NSD1: variants seen among roughly 807,000 people sequenced by gnomAD.
NSD1 encodes the protein nuclear receptor binding SET domain protein 1, also known as histone-lysine N-methyltransferase, H3 lysine-36 specific.
Under a neutral mutation model 242.7 loss-of-function variants are expected in NSD1, and 26 were observed. The ratio of observed to expected loss-of-function variants is 0.11; its 90% CI spans 0.08 to 0.15. The LOEUF (loss-of-function observed/expected upper bound fraction) is 0.15, where lower values mean the gene tolerates loss of function less well. Among genes scored for constraint, NSD1 ranks in the 10% least tolerant of loss-of-function variants. The pLI is 1.00. For missense variants in NSD1, 2,495 were observed against 3,272.8 expected (o/e 0.76, Z 5.80); for synonymous variants, 1,106 against 1,178.1 (o/e 0.94, Z 1.25).
rs769360197 is a variant in NSD1, at chr5:177,256,982, T to C, written c.4797T>C (p.Ser1599=). 2 of 1,614,032 alleles carry C rather than the reference T, an allele frequency of 1.2e-6. No individual in the cohort carries two copies. The highest frequency in any genetic ancestry group is 1.7e-5 in the Admixed American group (1 of 60,000). The change falls in exon 13 of 23, where the codon AGT becomes AGC. Residue 1599 remains serine, a synonymous_variant. Coordinates refer to ENST00000439151, the MANE Select transcript of NSD1 (RefSeq NM_022455.5). ...ATACCTGTTTTGTATGTAAGCAGAGTGGGGAAGATGTTAAAAGGTGCCTTC... is the reference window on the plus strand; with the variant it reads ...ATACCTGTTTTGTATGTAAGCAGAGCGGGGAAGATGTTAAAAGGTGCCTTC... ...GIHTCFVCKQ[S]GEDVKRCLLP...
rs906913691 is a variant in NSD1, at chr5:177,296,501, G to A, written c.*1042G>A. 29 of 233,188 alleles carry A rather than the reference G, an allele frequency of 1.2e-4. No individual in the cohort carries two copies. In the Admixed American group the frequency reaches 1.5e-3, roughly 12 times the overall value. 14.4% of individuals were successfully genotyped at this position (233,188 alleles called of 1,614,324 possible). Reference sequence around the variant, plus strand: ...GAGCTAGACACACCAGCTTCAGGAAGAGTACCAGATCCTGATGGGAAATTT... The same window carrying A: ...GAGCTAGACACACCAGCTTCAGGAAAAGTACCAGATCCTGATGGGAAATTT... On this transcript the variant is annotated 3_prime_UTR_variant, in exon 23 of 23. Transcript: ENST00000439151.
chr5:177,239,940 C>A, intron 8 of NSD1, 75 bp downstream of exon 8: 2 of 873,216 alleles, frequency 2.3e-6, no homozygotes, highest in Non-Finnish European at 3.8e-6. Context: ...TTTTGAGTAG[C>A]AGTTATAACA....
In NSD1 at chr5:177,210,880, T is replaced by G. The variant is rs777345497; in HGVS notation, c.2481T>G (p.Ile827Met). ...SDTKGSPLAS[I>M]SKSGKVDGLK... ...CCAAAGGCTCTCCTTTGGCCAGCAT[T>G]TCTAAAAGTGGGAAAGTGGATGGTC... The change falls in exon 5 of 23, where the codon ATT becomes ATG. Residue 827 changes from isoleucine (I) to methionine (M), a missense_variant. Around this residue, in one of 19 missense-constraint regions of NSD1, gnomAD observed 121 missense variants for 167.2 expected, o/e 0.72. Transcript: ENST00000439151. The G allele has an allele frequency of 6.2e-7, 1 of 1,614,066 alleles. No individual in the cohort carries two copies. The highest frequency in any genetic ancestry group is 1.1e-5 in the South Asian group (1 of 91,082).
At chr5:177,199,440 A>G (rs12652509) in intron 3 of NSD1, among the ~76,000 whole-genome samples, 126,540 of 152,120 alleles carry the variant, frequency 0.83, 53,355 homozygotes, top group East Asian at 1. Context: ...AAATTTTTTT[A>G]TAGACAGGGT....
Position 177,211,590 on chromosome 5 carries a change from T to A in NSD1, c.3191T>A (p.Leu1064His), listed in dbSNP as rs749712737. The change falls in exon 5 of 23, where the codon CTT becomes CAT. Residue 1064 changes from leucine (L) to histidine (H), a missense_variant. By Grantham distance (99) the Leu-to-His change is moderately conservative. Around this residue, in one of 19 missense-constraint regions of NSD1, gnomAD observed 426 missense variants for 411.4 expected, o/e 1.04. Coordinates refer to ENST00000439151, the MANE Select transcript of NSD1 (RefSeq NM_022455.5). ...RKLNQLPSVT[L>H]DAVLQGDRER... is the part of the protein sequence containing the mutation. ...CTGAATCAGCTTCCAAGTGTGACTC[T>A]TGATGCTGTACTGCAGGGAGACCGA... 3 of 1,614,136 alleles carry A rather than the reference T, an allele frequency of 1.9e-6. No individual in the cohort carries two copies. The highest frequency in any genetic ancestry group is 8.5e-7 in the Non-Finnish European group (1 of 1,180,032).
rs1457964040 is a variant in NSD1, at chr5:177,279,609, A to ATTTT, written c.5623-956_5623-955insTTTT. ...GTTCACCTGGCTTATCAGCTTTGAA[A>ATTTT]ATTTTTTTTTTTTTTTTTTTTTTTT... On this transcript the variant is annotated intron_variant, in intron 17 of 22. Transcript: ENST00000439151. Among the ~76,000 whole-genome samples the ATTTT allele has an allele frequency of 2.9e-3, 317 of 107,728 alleles. 11 individuals carry two copies. Among genetic ancestry groups the ATTTT allele is most frequent in the African/African-American group, 0.011 (296 of 26,040 alleles). The allele number at this position is 107,728 out of a possible 152,430, so 70.7% of individuals were successfully genotyped here.
intron 14 of NSD1, chr5:177,264,798 C>T: frequency 1.3e-6 from 1 of 749,346 alleles, no homozygotes; most frequent in Non-Finnish European, 2.4e-6. Flanking sequence ...GGAGAGGCAC[C>T]CAGTACATGT....
rs780872097 is a variant in NSD1 at position 177,191,865 on chromosome 5, A to G, written c.928-19A>G. The G allele has an allele frequency of 6.2e-7, 1 of 1,613,404 alleles. No individual in the cohort carries two copies. Among genetic ancestry groups the G allele is most frequent in the Non-Finnish European group, 8.5e-7 (1 of 1,179,450 alleles). On this transcript the variant is annotated intron_variant, in intron 2 of 22. Coordinates refer to ENST00000439151, the MANE Select transcript of NSD1 (RefSeq NM_022455.5). ...ATATTTTGATTCTTATTGATGCCCCATGTTTTGTCTGTCTAAAGTGTCAAC... is the reference window on the plus strand; with the variant it reads ...ATATTTTGATTCTTATTGATGCCCCGTGTTTTGTCTGTCTAAAGTGTCAAC...
chr5:177,246,689 A>T lies in NSD1; in HGVS notation c.4390A>T (p.Ile1464Leu). ...TTTTCCTGTCATAGGCACTACCAAGATATTTGACAAGCCAAGGAAGCGAAA... is the reference window on the plus strand; with the variant it reads ...TTTTCCTGTCATAGGCACTACCAAGTTATTTGACAAGCCAAGGAAGCGAAA... ...SKDFGGGTTK[I>L]FDKPRKRKRQ... Residue 1464 changes from isoleucine (I) to leucine (L), a missense_variant, in exon 10 of 23, where the codon ATA becomes TTA. Ile to Leu is a conservative substitution (Grantham distance 5). Around this residue, in one of 19 missense-constraint regions of NSD1, gnomAD observed 97 missense variants for 97.7 expected, o/e 0.99. Coordinates refer to ENST00000439151, the MANE Select transcript of NSD1 (RefSeq NM_022455.5). The T allele has an allele frequency of 1.2e-6, 2 of 1,613,714 alleles. No individual in the cohort carries two copies.
intron 3 of NSD1, among the ~76,000 whole-genome samples, chr5:177,197,093 C>A (rs569815856): frequency 6.6e-6 from 1 of 151,410 alleles, no homozygotes; most frequent in South Asian, 2.1e-4. Flanking sequence ...ATGGTGAAAC[C>A]CTGTTTCTTC....
chr5:177,188,393 T>A (rs1761404416), intron 2 of NSD1, among the ~76,000 whole-genome samples: 1 of 152,238 alleles, frequency 6.6e-6, no homozygotes, highest in African/African-American at 2.4e-5. Context: ...TGTGTATTTA[T>A]ATAGATTTAT....
intron 14 of NSD1, among the ~76,000 whole-genome samples, chr5:177,263,503 T>C (rs1319630389): frequency 6.6e-6 from 1 of 152,228 alleles, no homozygotes; most frequent in African/African-American, 2.4e-5. Flanking sequence ...CATCACCTAC[T>C]CGCAGTAAAA....
chr5:177,257,774 C>G (rs1376904220), intron 13 of NSD1, among the ~76,000 whole-genome samples: 1 of 151,656 alleles, frequency 6.6e-6, no homozygotes, highest in Non-Finnish European at 1.5e-5. Flanking sequence ...CCTCTTCCCC[C>G]TATTGATTAG....
At chr5:177,213,396 C>A (rs1039786222) in intron 5 of NSD1, among the ~76,000 whole-genome samples, 1 of 152,140 alleles carries the variant, frequency 6.6e-6, no homozygotes, top group African/African-American at 2.4e-5. Context: ...ACAATCAGTG[C>A]GATCAATTGT....
At chr5:177,218,082 T>C (rs531601915) in intron 5 of NSD1, among the ~76,000 whole-genome samples, 1 of 152,180 alleles carries the variant, frequency 6.6e-6, no homozygotes, top group Admixed American at 6.6e-5. Context: ...TCCGCTGATT[T>C]TTAACCTTTT....
At chr5:177,241,573 T>C (rs530366492) in intron 8 of NSD1, among the ~76,000 whole-genome samples, 1 of 152,176 alleles carries the variant, frequency 6.6e-6, no homozygotes, top group Non-Finnish European at 1.5e-5. Flanking sequence ...CCCAGTATCT[T>C]TTAAGTATTA....
chr5:177,174,200 A>G (rs142267165), intron 2 of NSD1, among the ~76,000 whole-genome samples: 4,801 of 152,164 alleles, frequency 0.032, 134 homozygotes, highest in Non-Finnish European at 0.042. Flanking sequence ...CCCCGTCTTT[A>G]TTAAAAATAC....
intron 3 of NSD1, among the ~76,000 whole-genome samples, chr5:177,198,371 G>A (rs1172968537): frequency 1.4e-4 from 21 of 152,098 alleles, no homozygotes; most frequent in South Asian, 2.1e-4. Context: ...AGATGAAGGT[G>A]CTAGCCAATT....
At chr5:177,273,875 G>T in intron 17 of NSD1, 91 bp downstream of exon 17, 1 of 889,828 alleles carries the variant, frequency 1.1e-6, no homozygotes, top group Non-Finnish European at 1.8e-6. Context: ...GGAAGCACAA[G>T]CATAGTTCGT....
Sources: allele counts gnomAD v4.1 joint callset (sites outside exome capture counted in the v4.1 genomes callset), GRCh38; gene constraint gnomAD v4.1.1; regional missense constraint gnomAD v4.1.1; transcripts MANE v1.5; gene names NCBI Gene and HGNC (gene_info 2026-07-23, HGNC 2026-07-21).